Variants in MTSS1 observed in about 807,000 individuals in gnomAD.
MTSS1 encodes the protein protein MTSS 1.
A neutral mutation model predicts 79.0 loss-of-function variants in MTSS1; 18 were observed. The ratio of observed to expected loss-of-function variants is 0.23; its 90% CI spans 0.16 to 0.34. MTSS1 has a LOEUF of 0.34. Among genes scored for constraint, MTSS1 ranks in the 10% least tolerant of loss-of-function variants. MTSS1 has a pLI of 1.00. For missense variants in MTSS1, 815 were observed against 986.2 expected, an observed-to-expected ratio of 0.83 and a Z score of 2.33; for synonymous variants, 341 against 368.6, an observed-to-expected ratio of 0.93 and a Z score of 0.86.
intron 1 of MTSS1, among the ~76,000 whole-genome samples, chr8:124,715,411 C>T (rs1661186693): frequency 6.6e-6 from 1 of 151,478 alleles, no homozygotes. Context: ...ATCCATATTC[C>T]CTTTTAAACT....
intron 3 of MTSS1, among the ~76,000 whole-genome samples, chr8:124,638,041 T>A (rs1817353482): frequency 6.6e-6 from 1 of 152,262 alleles, no homozygotes; most frequent in Non-Finnish European, 1.5e-5. Flanking sequence ...AACTTTAATG[T>A]ATAGAAGAAT....
At chr8:124,562,720 C>A in intron 10 of MTSS1, 62 bp downstream of exon 10, 1 of 1,514,572 alleles carries the variant, frequency 6.6e-7, no homozygotes, top group Non-Finnish European at 9.1e-7. Context: ...TTGGTTCTGG[C>A]CACTGACAGT....
At chr8:124,599,497 A>G (rs13248189) in intron 3 of MTSS1, among the ~76,000 whole-genome samples, 1 of 136,056 alleles carries the variant, frequency 7.3e-6, no homozygotes, top group African/African-American at 3.0e-5. Flanking sequence ...AAAAAAAAAA[A>G]AAAAAGAGAG....
At chr8:124,583,026 GACAGAA>G (rs1183486080) in intron 6 of MTSS1, among the ~76,000 whole-genome samples, 1 of 152,168 alleles carries the variant, frequency 6.6e-6, no homozygotes, top group Non-Finnish European at 1.5e-5. Context: ...CTTTATAAAG[GACAGAA>G]ATAAAAATTA....
At chr8:124,624,216 T>C (rs1814206855) in intron 3 of MTSS1, among the ~76,000 whole-genome samples, 1 of 152,164 alleles carries the variant, frequency 6.6e-6, no homozygotes, top group South Asian at 2.1e-4. Flanking sequence ...GAGTGGACCA[T>C]AGTCTGGAGG....
At chr8:124,695,747 A>G (rs1828702906) in intron 3 of MTSS1, among the ~76,000 whole-genome samples, 1 of 152,226 alleles carries the variant, frequency 6.6e-6, no homozygotes. Flanking sequence ...AAAGATAACT[A>G]TAATATACTA....
At chr8:124,657,079 T>C (rs1821094828) in intron 3 of MTSS1, among the ~76,000 whole-genome samples, 2 of 152,182 alleles carry the variant, frequency 1.3e-5, no homozygotes, top group Non-Finnish European at 2.9e-5. Context: ...TCTAGACTAA[T>C]GATGTGAATG....
At chr8:124,563,273 C>T (rs1168631313) in intron 9 of MTSS1, 14 of 441,376 alleles carry the variant, frequency 3.2e-5, no homozygotes, top group Non-Finnish European at 5.0e-5. Flanking sequence ...GGCATTCTTA[C>T]GAGGGAGGTC....
chr8:124,652,914 T>A (rs1205266915), intron 3 of MTSS1, among the ~76,000 whole-genome samples: 1 of 152,058 alleles, frequency 6.6e-6, no homozygotes, highest in African/African-American at 2.4e-5. Context: ...TAACCTATCA[T>A]CAACCCGTGA....
chr8:124,580,447 G>C, intron 6 of MTSS1: 1 of 1,275,244 alleles, frequency 7.8e-7, no homozygotes, highest in Admixed American at 2.1e-5. Flanking sequence ...TTTTGAGCTG[G>C]TAGAAAAACC....
At chr8:124,707,201 C>A (rs1830496728) in intron 1 of MTSS1, among the ~76,000 whole-genome samples, 1 of 152,076 alleles carries the variant, frequency 6.6e-6, no homozygotes, top group Non-Finnish European at 1.5e-5. Context: ...ACCAAACACT[C>A]CCATCCAGGG....
chr8:124,704,026 G>T, intron 2 of MTSS1, 104 bp downstream of exon 2: 3 of 1,000,330 alleles, frequency 3.0e-6, no homozygotes, highest in Non-Finnish European at 4.7e-6. Context: ...CCTATCTGCA[G>T]CACTTCCTGA....
chr8:124,688,790 T>G (rs75426468), intron 3 of MTSS1, among the ~76,000 whole-genome samples: 20 of 152,272 alleles, frequency 1.3e-4, no homozygotes, highest in Non-Finnish European at 2.1e-4. Context: ...TTAGGTGGTT[T>G]TTAAGGGAAA....
At chr8:124,629,083 A>C (rs1283076067) in intron 3 of MTSS1, among the ~76,000 whole-genome samples, 10 of 152,208 alleles carry the variant, frequency 6.6e-5, no homozygotes, top group Non-Finnish European at 1.5e-4. Context: ...CTCTGTGTAC[A>C]CATTCATTCA....
At chr8:124,565,267 A>G (rs1826143487) in intron 9 of MTSS1, among the ~76,000 whole-genome samples, 1 of 152,228 alleles carries the variant, frequency 6.6e-6, no homozygotes, top group African/African-American at 2.4e-5. Context: ...GGCATAAGCC[A>G]TTGTTACTTC....
At position 124,622,707 on chromosome 8, in the gene MTSS1, C is replaced by T. The variant is rs917633424; in HGVS notation, c.209-31472G>A. Among the ~76,000 whole-genome samples the T allele has an allele frequency of 3.1e-4, 46 of 150,798 alleles. 2 individuals are homozygous for T. Among genetic ancestry groups the T allele is most frequent in the African/African-American group, 9.8e-5 (4 of 40,908 alleles). On this transcript the variant is annotated intron_variant, in intron 3 of 13. Coordinates refer to ENST00000518547, the MANE Select transcript of MTSS1 (RefSeq NM_014751.6). ...ACTCGGGAGGCTGAGGCAGGAGAAT[C>T]GCTTGAGCCCGGGTGGTGGAGGTTA...
At chr8:124,623,724 C>T (rs2133618662) in intron 3 of MTSS1, among the ~76,000 whole-genome samples, 1 of 152,316 alleles carries the variant, frequency 6.6e-6, no homozygotes, top group East Asian at 1.9e-4. Flanking sequence ...ACTGCAACCT[C>T]TGCCTCCTGG....
At chr8:124,723,215 G>A (rs1318327775) in intron 1 of MTSS1, among the ~76,000 whole-genome samples, 1 of 152,148 alleles carries the variant, frequency 6.6e-6, no homozygotes, top group African/African-American at 2.4e-5. Context: ...AATTTAATGG[G>A]AAACCCTACG....
chr8:124,672,835 A>G (rs1008075135), intron 3 of MTSS1, among the ~76,000 whole-genome samples: 39 of 151,848 alleles, frequency 2.6e-4, no homozygotes, highest in Non-Finnish European at 1.2e-4. Flanking sequence ...ATGCACACAC[A>G]CACATGCATG....
Sources: gnomAD v4.1 joint callset for allele counts (sites outside exome capture counted in the v4.1 genomes callset) on GRCh38, gnomAD v4.1.1 for gene constraint, MANE v1.5 for transcripts, NCBI Gene and HGNC (gene_info 2026-07-23, HGNC 2026-07-21) for gene names.